Variants in DNER observed in about 807,000 individuals in gnomAD.
The protein encoded by DNER is delta/notch like EGF repeat containing, also known as delta and Notch-like epidermal growth factor-related receptor.
Under a neutral mutation model 78.2 loss-of-function variants are expected in DNER, and 33 were observed. That is an observed-to-expected ratio of 0.42 (90% CI 0.32 to 0.56). DNER has a LOEUF of 0.56. Among genes scored for constraint, DNER ranks in the 20% least tolerant of loss-of-function variants. The probability of loss-of-function intolerance (pLI) is 0.11; values close to 1 mark genes in which losing one functional copy is unlikely to be tolerated. For missense variants in DNER, 918 were observed against 975.3 expected (o/e 0.94, Z 0.78); for synonymous variants, 417 against 384.8 (o/e 1.08, Z -0.98).
chr2:229,432,714 G>T (rs1230424838), intron 8 of DNER, among the ~76,000 whole-genome samples: 1 of 152,020 alleles, frequency 6.6e-6, no homozygotes, highest in Non-Finnish European at 1.5e-5. Flanking sequence ...CTCAAGACCC[G>T]CTGATTCAGG....
chr2:229,517,772 C>T (rs1421887654), intron 5 of DNER, among the ~76,000 whole-genome samples: 1 of 152,122 alleles, frequency 6.6e-6, no homozygotes, highest in Non-Finnish European at 1.5e-5. Flanking sequence ...TAGCCTCTGG[C>T]GGATAGAGTT....
chr2:229,601,434 G>A lies in DNER; in HGVS notation c.277-9546C>T, dbSNP rs190332568. 2.1e-3 allele frequency among the ~76,000 whole-genome samples: 327 copies of A among 152,182 alleles called. 1 individual carries two copies. The highest frequency in any genetic ancestry group is 7.1e-3 in the African/African-American group (294 of 41,522). On this transcript the variant is annotated intron_variant, in intron 1 of 12. Coordinates refer to ENST00000341772, the MANE Select transcript of DNER (RefSeq NM_139072.4). ...ATCCAAATAATAAAAATGCTCATTC[G>A]CTTTACTGAATCAAGAACTATATGT...
rs555296832 is a variant in DNER, at chr2:229,602,118, C to T, written c.277-10230G>A. Among the ~76,000 whole-genome samples, 11 of 152,080 alleles carry T rather than the reference C, an allele frequency of 7.2e-5. No homozygotes were observed. In the East Asian group the frequency reaches 2.1e-3, roughly 29 times the overall value. ...CATCAGAGACACTCATACATCCTAT[C>T]AAACTTTTTTACAAAACCACAATGC... On this transcript the variant is annotated intron_variant, in intron 1 of 12. Coordinates refer to ENST00000341772, the MANE Select transcript of DNER (RefSeq NM_139072.4).
At chr2:229,546,869 A>G (rs1022628327) in intron 5 of DNER, 78 bp downstream of exon 5, 1 of 1,582,276 alleles carries the variant, frequency 6.3e-7, no homozygotes, top group Non-Finnish European at 8.6e-7. Context: ...GGGTAAGAAC[A>G]CACACATACT....
At chr2:229,413,759 C>A (rs1354313517) in intron 9 of DNER, among the ~76,000 whole-genome samples, 1 of 148,656 alleles carries the variant, frequency 6.7e-6, no homozygotes, top group Non-Finnish European at 1.5e-5. Flanking sequence ...TTATATATAT[C>A]CTCCTAAAAA....
intron 7 of DNER, among the ~76,000 whole-genome samples, chr2:229,474,238 A>G (rs993485335): frequency 4.6e-5 from 7 of 152,206 alleles, no homozygotes; most frequent in South Asian, 2.1e-4. Context: ...AAAGTGTTCT[A>G]TAAATATGAG....
intron 1 of DNER, among the ~76,000 whole-genome samples, chr2:229,663,243 G>A (rs959548753): frequency 2.0e-5 from 3 of 152,158 alleles, no homozygotes; most frequent in African/African-American, 7.2e-5. Context: ...TAACAGAATA[G>A]AAAATGCAGG....
intron 11 of DNER, among the ~76,000 whole-genome samples, chr2:229,385,432 C>T (rs1692842200): frequency 2.0e-5 from 3 of 152,186 alleles, no homozygotes; most frequent in Admixed American, 2.0e-4. Context: ...TGCCTTCTCT[C>T]ACCACTGCTA....
intron 11 of DNER, among the ~76,000 whole-genome samples, chr2:229,368,458 T>A (rs925366512): frequency 1.3e-5 from 2 of 151,994 alleles, no homozygotes; most frequent in African/African-American, 2.4e-5. Context: ...TTTATTAAAG[T>A]CAAAAAATAA....
At chr2:229,681,827 A>ACAC (rs1699391219) in intron 1 of DNER, among the ~76,000 whole-genome samples, 8 of 144,350 alleles carry the variant, frequency 5.5e-5, no homozygotes, top group Non-Finnish European at 7.5e-5. Context: ...CTCTGCCTAA[A>ACAC]ACACACACAC....
At chr2:229,466,233 C>T (rs77337707) in intron 7 of DNER, among the ~76,000 whole-genome samples, 3,592 of 152,208 alleles carry the variant, frequency 0.024, 75 homozygotes, top group Middle Eastern at 0.048. Context: ...GAGCCGACTC[C>T]TACTTCTCTC....
chr2:229,358,648 A>C lies in DNER; in HGVS notation c.2106T>G (p.Phe702Leu). The C allele has an allele frequency of 1.2e-6, 2 of 1,613,186 alleles. No homozygotes were observed. Among genetic ancestry groups the C allele is most frequent in the Non-Finnish European group, 1.7e-6 (2 of 1,179,574 alleles). ...NAIASIRHARFGKKSRPAMYD... is the reference protein window; with the variant it reads ...NAIASIRHARLGKKSRPAMYD... ...ACATTGCAGGCCGGGATTTCTTTCC[A>C]AACCTGAAATCAGAGAGAAAGGACT... Residue 702 changes from phenylalanine (F) to leucine (L), a missense_variant, in exon 13 of 13, where the codon TTT becomes TTG. Physicochemically the swap from Phe to Leu is conservative, Grantham distance 22 (BLOSUM62 0). Coordinates refer to ENST00000341772, the MANE Select transcript of DNER (RefSeq NM_139072.4).
At chr2:229,588,801 C>G (rs1408291980) in intron 2 of DNER, among the ~76,000 whole-genome samples, 1 of 152,208 alleles carries the variant, frequency 6.6e-6, no homozygotes, top group Non-Finnish European at 1.5e-5. Flanking sequence ...ATTTAACAAG[C>G]AGTCATTGAC....
At chr2:229,619,053 G>T (rs797001236) in intron 1 of DNER, among the ~76,000 whole-genome samples, 13 of 152,274 alleles carry the variant, frequency 8.5e-5, no homozygotes, top group African/African-American at 3.1e-4. Context: ...CTACTCAAGA[G>T]GCTGAAGATC....
intron 11 of DNER, among the ~76,000 whole-genome samples, chr2:229,373,577 T>C (rs1006518037): frequency 4.6e-5 from 7 of 152,204 alleles, no homozygotes; most frequent in African/African-American, 1.7e-4. Context: ...AGCAATCTCA[T>C]TACTGGGTAT....
At chr2:229,570,657 A>G (rs1441890991) in intron 4 of DNER, among the ~76,000 whole-genome samples, 1 of 151,108 alleles carries the variant, frequency 6.6e-6, no homozygotes, top group African/African-American at 2.4e-5. Context: ...GATACATTCT[A>G]TGGGGGAAAA....
chr2:229,393,600 C>A, intron 10 of DNER, among the ~76,000 whole-genome samples: 1 of 152,108 alleles, frequency 6.6e-6, no homozygotes, highest in Non-Finnish European at 1.5e-5. Flanking sequence ...GTAATCCCAG[C>A]ACTTTGGGAG....
intron 8 of DNER, among the ~76,000 whole-genome samples, chr2:229,445,768 TC>T (rs1260195645): frequency 0.013 from 2 of 154 alleles, no homozygotes; most frequent in African/African-American, 0.029. Context: ...AAAATAAATC[TC>T]TCTCTCTCTC....
chr2:229,657,499 C>A (rs575222495), intron 1 of DNER, among the ~76,000 whole-genome samples: 3 of 151,970 alleles, frequency 2.0e-5, no homozygotes, highest in Non-Finnish European at 4.4e-5. Context: ...ATTTTAGGAC[C>A]GTGATTTTTC....
Sources: allele counts gnomAD v4.1 joint callset (sites outside exome capture counted in the v4.1 genomes callset), GRCh38; gene constraint gnomAD v4.1.1; transcripts MANE v1.5; gene names NCBI Gene and HGNC (gene_info 2026-07-23, HGNC 2026-07-21).